The following ABCD2 variants were observed in gnomAD, a reference collection of about 807,000 sequenced individuals.
ABCD2 encodes the protein ATP binding cassette subfamily D member 2.
ABCD2 carries 36 observed loss-of-function variants against 70.9 expected under a neutral mutation model. That is an observed-to-expected ratio of 0.51 (90% CI 0.39 to 0.67). ABCD2 has a LOEUF of 0.67. Ranked by LOEUF, ABCD2 falls within the 30% of genes least tolerant of loss-of-function variation. ABCD2 has a pLI of 0.00. For missense variants in ABCD2, 729 were observed against 890.2 expected (o/e 0.82, Z 2.30); for synonymous variants, 304 against 306.9 (o/e 0.99, Z 0.10).
chr12:39,539,811 A>G, the ABCD2 span: 32 of 156,316 alleles, frequency 2.0e-4, no homozygotes, highest in Admixed American at 7.2e-4. Flanking sequence ...TCACTTTACT[A>G]CTGGGGGTTC....
intron 6 of ABCD2, among the ~76,000 whole-genome samples, chr12:39,598,995 G>A (rs1424380212): frequency 6.6e-6 from 1 of 152,080 alleles, no homozygotes; most frequent in African/African-American, 2.4e-5. Flanking sequence ...ACTTTTAACA[G>A]TAATTATTAA....
chr12:39,536,666 G>C, the ABCD2 span, among the ~76,000 whole-genome samples: 1 of 152,096 alleles, frequency 6.6e-6, no homozygotes, highest in Non-Finnish European at 1.5e-5. Flanking sequence ...GAGCATTTTA[G>C]GAATCGTATA....
In ABCD2 at chr12:39,586,136, G is replaced by T. The variant is rs373124558; in HGVS notation, c.1792+16C>A. 1.3e-5 allele frequency: 21 copies of T among 1,594,512 alleles called. 1 individual carries two copies. In the African/African-American group the frequency reaches 2.0e-4, roughly 15 times the overall value. On this transcript the variant is annotated intron_variant, in intron 7 of 9. Coordinates refer to ENST00000308666, the MANE Select transcript of ABCD2 (RefSeq NM_005164.4). ...AAGTGAAGTTAAATGCATTAGAAAA[G>T]AATGATAGACTTTACCTCCTTCTCT...
At chr12:39,609,675 C>G (rs888553394) in intron 2 of ABCD2, among the ~76,000 whole-genome samples, 14 of 152,060 alleles carry the variant, frequency 9.2e-5, no homozygotes, top group Admixed American at 7.9e-4. Flanking sequence ...AGCCATAGGC[C>G]CATTTTGATA....
At chr12:39,604,644 T>C in intron 4 of ABCD2, 118 bp downstream of exon 4, 1 of 757,150 alleles carries the variant, frequency 1.3e-6, no homozygotes, top group Non-Finnish European at 2.0e-6. Flanking sequence ...GCTGTTTAAA[T>C]AATGTTGGTT....
chr12:39,599,873 GA>G (rs1272611812), intron 6 of ABCD2, among the ~76,000 whole-genome samples: 1 of 152,176 alleles, frequency 6.6e-6, no homozygotes, highest in Admixed American at 6.5e-5. Flanking sequence ...TATCCAGGAT[GA>G]TGACAGATGG....
chr12:39,581,432 A>G (rs78198077), intron 7 of ABCD2, among the ~76,000 whole-genome samples: 2,495 of 152,288 alleles, frequency 0.016, 67 homozygotes, highest in African/African-American at 0.056. Flanking sequence ...AGAAATTGTC[A>G]TTTTTTAAGT....
downstream of ABCD2, among the ~76,000 whole-genome samples, chr12:39,546,366 G>A (rs911678289): frequency 2.6e-5 from 4 of 151,940 alleles, no homozygotes; most frequent in Admixed American, 6.6e-5. Context: ...TACTTTTCAA[G>A]TGTTCCCTAT....
chr12:39,541,738 C>T, the ABCD2 span, among the ~76,000 whole-genome samples: 3 of 152,132 alleles, frequency 2.0e-5, no homozygotes, highest in African/African-American at 7.2e-5. Context: ...TAGCCCTAAA[C>T]TAGAACCAGA....
intron 5 of ABCD2, among the ~76,000 whole-genome samples, chr12:39,601,084 G>T (rs930578898): frequency 7.2e-5 from 11 of 151,862 alleles, no homozygotes; most frequent in African/African-American, 2.4e-4. Context: ...ATTAATATTG[G>T]ATTAAATTTA....
At chr12:39,583,026 A>C (rs999958471) in intron 7 of ABCD2, among the ~76,000 whole-genome samples, 1 of 151,914 alleles carries the variant, frequency 6.6e-6, no homozygotes, top group African/African-American at 2.4e-5. Flanking sequence ...TTCCCGGATA[A>C]TTTTTGTATG....
chr12:39,538,315 G>A, the ABCD2 span, among the ~76,000 whole-genome samples: 1 of 151,732 alleles, frequency 6.6e-6, no homozygotes, highest in Admixed American at 6.6e-5. Context: ...GACTACAGGT[G>A]CCTGCCACAT....
At chr12:39,593,485 C>T (rs1941773913) in intron 6 of ABCD2, among the ~76,000 whole-genome samples, 1 of 152,102 alleles carries the variant, frequency 6.6e-6, no homozygotes, top group Middle Eastern at 3.2e-3. Flanking sequence ...TTCCTGGCCT[C>T]AAGTGATTAT....
chr12:39,578,342 C>T lies in ABCD2; in HGVS notation c.1877+1193G>A, dbSNP rs1297448418. Among the ~76,000 whole-genome samples, 8 of 151,938 alleles carry T rather than the reference C, an allele frequency of 5.3e-5. No homozygotes were observed. The South Asian group carries it at 6.2e-4, about 12-fold the overall frequency. Reference sequence around the variant, plus strand: ...ACAAAAAATTAGCCGGGCTTGGTGGCGGGCACCTGTAGTCCCAGCTACTCA... The same window carrying T: ...ACAAAAAATTAGCCGGGCTTGGTGGTGGGCACCTGTAGTCCCAGCTACTCA... On this transcript the variant is annotated intron_variant, in intron 8 of 9. Coordinates refer to ENST00000308666, the MANE Select transcript of ABCD2 (RefSeq NM_005164.4).
chr12:39,558,935 G>T lies in ABCD2; in HGVS notation c.2004-4804C>A, dbSNP rs79989326. Among the ~76,000 whole-genome samples the T allele has an allele frequency of 3.5e-3, 533 of 152,182 alleles. 4 individuals carry two copies. Among genetic ancestry groups the T allele is most frequent in the East Asian group, 0.027 (139 of 5,190 alleles). The stretch of plus-strand genomic sequence containing the variant: ...AAATACAATGAAAAAAATTAAAAAT[G>T]CAATGGAGACATCAATAGCAGAATT... On this transcript the variant is annotated intron_variant, in intron 9 of 9. Transcript: ENST00000308666.
chr12:39,540,169 C>T, the ABCD2 span, among the ~76,000 whole-genome samples: 12 of 152,312 alleles, frequency 7.9e-5, no homozygotes, highest in South Asian at 1.0e-3. Flanking sequence ...AGTGACTCTA[C>T]GCCAATTCTC....
intron 9 of ABCD2, among the ~76,000 whole-genome samples, chr12:39,567,820 A>G (rs1051353474): frequency 1.4e-4 from 22 of 152,230 alleles, no homozygotes; most frequent in Non-Finnish European, 2.6e-4. Context: ...GGGCAGGCCT[A>G]GTGGTGACAA....
chr12:39,612,600 A>C (rs139539559), intron 2 of ABCD2, among the ~76,000 whole-genome samples: 19 of 152,354 alleles, frequency 1.2e-4, no homozygotes, highest in Admixed American at 1.3e-4. Context: ...CCATATTGGC[A>C]TATATGCTAT....
the ABCD2 span, among the ~76,000 whole-genome samples, chr12:39,542,977 T>C: frequency 6.6e-6 from 1 of 152,258 alleles, no homozygotes; most frequent in Middle Eastern, 3.4e-3. Flanking sequence ...CTTTTGAAGT[T>C]GATCATCATG....
Sources: allele counts gnomAD v4.1 joint callset (sites outside exome capture counted in the v4.1 genomes callset), GRCh38; gene constraint gnomAD v4.1.1; transcripts MANE v1.5; gene names NCBI Gene and HGNC (gene_info 2026-07-23, HGNC 2026-07-21).